Variants in XPR1 observed in about 807,000 individuals in gnomAD.
XPR1 encodes xenotropic and polytropic retrovirus receptor 1, also known as solute carrier family 53 member 1.
A neutral mutation model predicts 87.5 loss-of-function variants in XPR1; 28 were observed. The ratio of observed to expected loss-of-function variants is 0.32; its 90% CI spans 0.24 to 0.44. XPR1 has a LOEUF of 0.44. XPR1 is among the 20% of genes least tolerant of loss of function. The pLI, the probability that XPR1 is intolerant of heterozygous loss-of-function variation, is 1.00. For missense variants in XPR1, 559 were observed against 862.3 expected (o/e 0.65, Z 4.41); for synonymous variants, 300 against 306.1 (o/e 0.98, Z 0.21).
intron 1 of XPR1, among the ~76,000 whole-genome samples, chr1:180,665,467 C>A (rs531771443): frequency 6.6e-6 from 1 of 152,190 alleles, no homozygotes; most frequent in African/African-American, 2.4e-5. Flanking sequence ...AACCACTGGC[C>A]TAGACAGTCT....
chr1:180,825,333 C>T lies in XPR1; in HGVS notation c.1123C>T (p.Leu375Phe). The stretch of plus-strand genomic sequence containing the variant: ...CTACTATAAATCCCGGTTTTGGCTG[C>T]TTAAACTGCTGGTAAGTCCAGAAAC... ...TFYYKSRFWL[L>F]KLLFRVFTAP... The change falls in exon 9 of 15, where the codon CTT (leucine) becomes TTT (phenylalanine). Residue 375 changes from leucine (L) to phenylalanine (F), a missense_variant. Transcript: ENST00000367590. The T allele has an allele frequency of 6.2e-7, 1 of 1,612,148 alleles. No individual in the cohort carries two copies. The highest frequency in any genetic ancestry group is 1.1e-5 in the South Asian group (1 of 90,602).
chr1:180,632,230 A>T lies in XPR1; in HGVS notation c.29A>T (p.His10Leu). Reference protein sequence around the residue: MKFAEHLSAHITPEWRKQYI... With the variant: MKFAEHLSALITPEWRKQYI... ...AAGTTCGCCGAGCACCTCTCCGCGC[A>T]CATCACTCCCGAGTGGAGGAAGCAA... Residue 10 changes from histidine (H) to leucine (L), a missense_variant, in exon 1 of 15, where the codon CAC becomes CTC. Around this residue, in one of 7 missense-constraint regions of XPR1, gnomAD observed 159 missense variants for 263.3 expected, o/e 0.60. Transcript: ENST00000367590. 6.2e-7 allele frequency: 1 copy of T among 1,611,960 alleles called. No homozygotes were observed. Among genetic ancestry groups the T allele is most frequent in the Non-Finnish European group, 8.5e-7 (1 of 1,178,914 alleles).
At position 180,713,262 on chromosome 1, in the gene XPR1, T is replaced by A. The variant is rs2101987090; in HGVS notation, c.121+30851T>A. Among the ~76,000 whole-genome samples, 4 of 152,300 alleles carry A rather than the reference T, an allele frequency of 2.6e-5. 1 individual carries two copies. In the Middle Eastern group the frequency reaches 0.01, roughly 389 times the overall value. On this transcript the variant is annotated intron_variant, in intron 2 of 14. Coordinates refer to ENST00000367590, the MANE Select transcript of XPR1 (RefSeq NM_004736.4). ...TTTGATGCTCTTGCAAATGATACTG[T>A]CTTTCCATTTCAATTTCCAATTGTT... is the stretch of plus-strand genomic sequence containing the variant.
chr1:180,732,006 A>G (rs970837920), intron 2 of XPR1, among the ~76,000 whole-genome samples: 6 of 152,172 alleles, frequency 3.9e-5, no homozygotes, highest in Admixed American at 3.9e-4. Flanking sequence ...CAGCCTGGCC[A>G]ACAGGGCAAA....
chr1:180,842,169 A>G lies in XPR1; in HGVS notation c.1501+5453A>G, dbSNP rs566308007. ...ACAAAGGATAAATTTTAGAGGGGCA[A>G]GGAGTAAAAGACAGTGAGGTAACCT... On this transcript the variant is annotated intron_variant, in intron 11 of 14. Coordinates refer to ENST00000367590, the MANE Select transcript of XPR1 (RefSeq NM_004736.4). Among the ~76,000 whole-genome samples the G allele has an allele frequency of 1.1e-3, 161 of 152,338 alleles. 2 individuals are homozygous for G. The Middle Eastern group carries it at 0.031, about 29-fold the overall frequency.
At chr1:180,857,207 C>G (rs1173109581) in intron 11 of XPR1, among the ~76,000 whole-genome samples, 2 of 152,150 alleles carry the variant, frequency 1.3e-5, no homozygotes, top group Non-Finnish European at 2.9e-5. Context: ...GTACCCAAGT[C>G]CCAACTTAAG....
intron 2 of XPR1, among the ~76,000 whole-genome samples, chr1:180,696,890 A>G (rs1196107981): frequency 6.6e-6 from 1 of 151,970 alleles, no homozygotes; most frequent in Non-Finnish European, 1.5e-5. Context: ...TTGTTTGTTA[A>G]TATTTTGTTG....
intron 2 of XPR1, among the ~76,000 whole-genome samples, chr1:180,720,664 C>A (rs1053511535): frequency 2.0e-5 from 3 of 152,148 alleles, no homozygotes; most frequent in Admixed American, 6.5e-5. Context: ...TCTTGGACCT[C>A]ACCCCAGATC....
intron 1 of XPR1, among the ~76,000 whole-genome samples, chr1:180,659,341 G>A (rs945715918): frequency 6.9e-5 from 7 of 102,184 alleles, no homozygotes; most frequent in South Asian, 3.6e-4. Flanking sequence ...CCTTCCTTCC[G>A]TCCTTCCTTC....
intron 7 of XPR1, among the ~76,000 whole-genome samples, chr1:180,818,234 A>T (rs1254670272): frequency 6.6e-6 from 1 of 151,812 alleles, no homozygotes; most frequent in Non-Finnish European, 1.5e-5. Context: ...ACTTGTTAAA[A>T]TTTTTTTAAT....
intron 3 of XPR1, among the ~76,000 whole-genome samples, chr1:180,791,641 A>G (rs926112453): frequency 2.6e-5 from 4 of 152,172 alleles, no homozygotes; most frequent in Non-Finnish European, 2.9e-5. Context: ...TTTGTTTTAT[A>G]TATGTTTGTA....
At chr1:180,632,853 C>T (rs1254152593) in intron 1 of XPR1, among the ~76,000 whole-genome samples, 1 of 152,216 alleles carries the variant, frequency 6.6e-6, no homozygotes, top group Non-Finnish European at 1.5e-5. Context: ...AAGTGTGTAT[C>T]ACATATGTAG....
chr1:180,706,820 A>G (rs1478651727), intron 2 of XPR1, among the ~76,000 whole-genome samples: 1 of 151,836 alleles, frequency 6.6e-6, no homozygotes, highest in Non-Finnish European at 1.5e-5. Flanking sequence ...GGATTTTACC[A>G]TGTTGGCCAG....
intron 2 of XPR1, among the ~76,000 whole-genome samples, chr1:180,715,173 T>C (rs1203247638): frequency 6.6e-6 from 1 of 152,234 alleles, no homozygotes; most frequent in Non-Finnish European, 1.5e-5. Context: ...TAGCCCCAGA[T>C]AATCTAATCT....
rs1265377920 is a variant in XPR1, at chr1:180,889,656, T to C, written c.*5590T>C. 3 of 152,246 alleles carry C rather than the reference T, an allele frequency of 2.0e-5. No homozygotes were observed. The highest frequency in any genetic ancestry group is 4.4e-5 in the Non-Finnish European group (3 of 68,044). 9.4% of individuals were successfully genotyped at this position (152,246 alleles called of 1,614,324 possible). A position where few individuals can be genotyped will look rare whatever the true frequency, so the allele number is the denominator to read the frequency against. On this transcript the variant is annotated 3_prime_UTR_variant, in exon 15 of 15. Coordinates refer to ENST00000367590, the MANE Select transcript of XPR1 (RefSeq NM_004736.4). ...ATTTCAATTACAAAAAGAACAGAAC[T>C]CTTAATCACGTTGTGAAGATTAATT...
chr1:180,827,875 C>A (rs1202699527), intron 9 of XPR1, among the ~76,000 whole-genome samples: 4 of 93,168 alleles, frequency 4.3e-5, no homozygotes, highest in African/African-American at 4.2e-5. Flanking sequence ...TTCTTTTTTT[C>A]TTTAATTTTT....
intron 2 of XPR1, among the ~76,000 whole-genome samples, chr1:180,722,117 A>T (rs893410101): frequency 6.6e-6 from 1 of 152,012 alleles, no homozygotes; most frequent in African/African-American, 2.4e-5. Context: ...AGAAAAAAAA[A>T]ATTAGTCATG....
chr1:180,827,153 C>CAAAAAAAAAAA (rs11324246), intron 9 of XPR1, among the ~76,000 whole-genome samples: 2 of 66,910 alleles, frequency 3.0e-5, no homozygotes, highest in African/African-American at 1.2e-4. Context: ...GACTCCTTCT[C>CAAAAAAAAAAA]AAAAAAAAAA....
chr1:180,864,282 A>G (rs1479303687), intron 12 of XPR1, among the ~76,000 whole-genome samples: 1 of 152,144 alleles, frequency 6.6e-6, no homozygotes, highest in Admixed American at 6.5e-5. Context: ...AGTCAGTTTA[A>G]GTGTTACTTT....
Sources: gnomAD v4.1 joint callset for allele counts (sites outside exome capture counted in the v4.1 genomes callset) on GRCh38, gnomAD v4.1.1 for gene constraint, gnomAD v4.1.1 regional missense constraint, MANE v1.5 for transcripts, NCBI Gene and HGNC (gene_info 2026-07-23, HGNC 2026-07-21) for gene names.